Variants in DPYD observed in about 807,000 individuals in gnomAD.
DPYD encodes dihydropyrimidine dehydrogenase [NADP(+)].
DPYD carries 109 observed loss-of-function variants against 116.2 expected under a neutral mutation model. The observed-to-expected ratio is 0.94, with a 90% CI of 0.80 to 1.10. DPYD has a LOEUF of 1.10. Ranked by LOEUF, DPYD falls within the 50% of genes least tolerant of loss-of-function variation. DPYD has a pLI of 0.00. For missense variants in DPYD, 1,302 were observed against 1,254.5 expected (o/e 1.04, Z -0.57); for synonymous variants, 440 against 432.0 (o/e 1.02, Z -0.23).
chr1:97,814,374 G>A (rs377360957), intron 3 of DPYD, among the ~76,000 whole-genome samples: 1 of 152,260 alleles, frequency 6.6e-6, no homozygotes, highest in South Asian at 2.1e-4. Flanking sequence ...CCTTTGGAGA[G>A]AAAGGTCACA....
intron 8 of DPYD, among the ~76,000 whole-genome samples, chr1:97,672,672 T>C (rs1659931849): frequency 6.6e-6 from 1 of 152,166 alleles, no homozygotes; most frequent in Admixed American, 6.6e-5. Context: ...CTTAATTGCA[T>C]TTTCCTCTGA....
At chr1:97,832,329 C>T (rs780910553) in intron 2 of DPYD, among the ~76,000 whole-genome samples, 8 of 151,978 alleles carry the variant, frequency 5.3e-5, no homozygotes, top group African/African-American at 1.9e-4. Flanking sequence ...CTCGCGAGTC[C>T]GCTTCTAAAG....
At chr1:97,838,567 C>A (rs576745885) in intron 2 of DPYD, among the ~76,000 whole-genome samples, 32 of 152,258 alleles carry the variant, frequency 2.1e-4, no homozygotes, top group Non-Finnish European at 4.4e-4. Context: ...AGAACTTGGC[C>A]GGGCGCGGTG....
At chr1:97,815,390 A>C (rs1668549882) in intron 3 of DPYD, among the ~76,000 whole-genome samples, 1 of 152,236 alleles carries the variant, frequency 6.6e-6, no homozygotes, top group African/African-American at 2.4e-5. Flanking sequence ...GTCAATATTT[A>C]GACATTGAAA....
At chr1:97,281,952 C>T (rs1355358824) in intron 18 of DPYD, among the ~76,000 whole-genome samples, 1 of 152,086 alleles carries the variant, frequency 6.6e-6, no homozygotes. Flanking sequence ...CATGTCTTCG[C>T]AAACTGAGTT....
intron 12 of DPYD, 122 bp from the exon 13 acceptor site, chr1:97,516,063 A>G (rs770438550): frequency 3.5e-4 from 365 of 1,052,158 alleles, no homozygotes; most frequent in Admixed American, 5.9e-4. Flanking sequence ...GTCTGTTTAC[A>G]ATGAAAAAAA....
At chr1:97,206,652 ATATATATATAT>A (rs1181584932) in intron 19 of DPYD, among the ~76,000 whole-genome samples, 2 of 68,466 alleles carry the variant, frequency 2.9e-5, no homozygotes, top group Non-Finnish European at 4.7e-5. Flanking sequence ...ATATATATAT[ATATATATATAT>A]ATATATATAT....
At chr1:97,154,706 C>CA (rs35900828) in intron 20 of DPYD, among the ~76,000 whole-genome samples, 2,247 of 122,824 alleles carry the variant, frequency 0.018, 35 homozygotes, top group African/African-American at 0.037. Context: ...GACTCCATCT[C>CA]AAAAAAAAAA....
At chr1:97,782,621 T>A (rs1360845307) in intron 3 of DPYD, among the ~76,000 whole-genome samples, 3 of 152,146 alleles carry the variant, frequency 2.0e-5, no homozygotes, top group African/African-American at 7.2e-5. Flanking sequence ...AAACGTTCAG[T>A]AAAAGCACAG....
intron 8 of DPYD, among the ~76,000 whole-genome samples, chr1:97,677,436 A>C (rs1003819396): frequency 6.6e-5 from 10 of 152,180 alleles, no homozygotes; most frequent in African/African-American, 2.4e-4. Flanking sequence ...TTACTGACCA[A>C]GCATTTTTGA....
intron 3 of DPYD, among the ~76,000 whole-genome samples, chr1:97,802,115 G>A (rs936626273): frequency 6.6e-6 from 1 of 151,858 alleles, no homozygotes; most frequent in Non-Finnish European, 1.5e-5. Context: ...TGACTGGGAG[G>A]TAAAGACGTA....
intron 13 of DPYD, among the ~76,000 whole-genome samples, chr1:97,485,774 C>G (rs1678598445): frequency 6.6e-6 from 1 of 152,102 alleles, no homozygotes; most frequent in African/African-American, 2.4e-5. Context: ...AAGGCTGCCC[C>G]CAGATAGTTT....
At chr1:97,792,283 T>A (rs1557965353) in intron 3 of DPYD, among the ~76,000 whole-genome samples, 1 of 152,036 alleles carries the variant, frequency 6.6e-6, no homozygotes, top group Non-Finnish European at 1.5e-5. Context: ...TATTTTATTT[T>A]TTTTTTTTGA....
chr1:97,392,574 C>T (rs1672766604), intron 14 of DPYD, among the ~76,000 whole-genome samples: 1 of 152,046 alleles, frequency 6.6e-6, no homozygotes, highest in South Asian at 2.1e-4. Flanking sequence ...AGTAGAACTT[C>T]TTTCAATCCT....
chr1:97,419,362 C>T (rs1036492638), intron 14 of DPYD, among the ~76,000 whole-genome samples: 3 of 152,164 alleles, frequency 2.0e-5, no homozygotes, highest in Non-Finnish European at 2.9e-5. Flanking sequence ...TCTTCCACTT[C>T]CATTAGTCTG....
intron 3 of DPYD, among the ~76,000 whole-genome samples, chr1:97,781,937 T>G (rs1666768915): frequency 1.3e-5 from 2 of 152,182 alleles, no homozygotes; most frequent in Non-Finnish European, 1.5e-5. Context: ...TTGAGAAAGC[T>G]GCTTAAGATC....
rs527993215 is a variant in DPYD at position 97,701,279 on chromosome 1, C to T, written c.484-1732G>A. ...AAGATGCATTACTAAACTTAAAGAA[C>T]ATTTCATAGCAAGGAAATGGTCAAT... On this transcript the variant is annotated intron_variant, in intron 5 of 22. Coordinates refer to ENST00000370192, the MANE Select transcript of DPYD (RefSeq NM_000110.4). Among the ~76,000 whole-genome samples, 7 of 149,814 alleles carry T rather than the reference C, an allele frequency of 4.7e-5. No individual in the cohort carries two copies. In the East Asian group the frequency reaches 9.8e-4, roughly 21 times the overall value.
intron 11 of DPYD, among the ~76,000 whole-genome samples, chr1:97,573,457 T>A (rs573419579): frequency 8.5e-5 from 13 of 152,236 alleles, no homozygotes; most frequent in Non-Finnish European, 1.6e-4. Context: ...TCTAGTCTAA[T>A]TGAAGAAAAA....
At chr1:97,539,275 G>A (rs1001331787) in intron 12 of DPYD, among the ~76,000 whole-genome samples, 1 of 151,984 alleles carries the variant, frequency 6.6e-6, no homozygotes, top group African/African-American at 2.4e-5. Context: ...TAAATTTAAT[G>A]CCCTGACGCC....
Sources: allele counts gnomAD v4.1 joint callset (sites outside exome capture counted in the v4.1 genomes callset), GRCh38; gene constraint gnomAD v4.1.1; transcripts MANE v1.5; gene names NCBI Gene and HGNC (gene_info 2026-07-23, HGNC 2026-07-21).